MFSD6: variants seen among roughly 807,000 people sequenced by gnomAD.
MFSD6 encodes major facilitator superfamily domain containing 6.
A neutral mutation model predicts 56.3 loss-of-function variants in MFSD6; 26 were observed. That is an observed-to-expected ratio of 0.46 (90% CI 0.34 to 0.64). MFSD6 has a LOEUF of 0.64. Among genes scored for constraint, MFSD6 ranks in the 30% least tolerant of loss-of-function variants. MFSD6 has a pLI of 0.01. For synonymous variants in MFSD6, 331 were observed against 366.9 expected (o/e 0.90, Z 1.12); for missense variants, 750 against 986.2 (o/e 0.76, Z 3.21).
chr2:190,497,668 G>C lies in MFSD6; in HGVS notation c.2121G>C (p.Glu707Asp), dbSNP rs1415710632. The change falls in exon 7 of 8, where the codon GAG (glutamate) becomes GAC (aspartate). Residue 707 changes from glutamate to aspartate, a missense_variant. By Grantham distance (45) the Glu-to-Asp change is conservative. Coordinates refer to ENST00000392328, the MANE Select transcript of MFSD6 (RefSeq NM_017694.4). The surrounding 1 kb of genome is among the most constrained non-coding windows in gnomAD (Gnocchi z 5.2). Reference protein sequence around the residue: ...TFVYALYQIKEMMQLTRDNRA... With the variant: ...TFVYALYQIKDMMQLTRDNRA... ...TCTATGCACTCTACCAAATTAAAGA[G>C]ATGATGCAACTCACAAGAGACAACC... 6.2e-7 allele frequency: 1 copy of C among 1,614,170 alleles called. No homozygotes were observed. Among genetic ancestry groups the C allele is most frequent in the Admixed American group, 1.7e-5 (1 of 60,020 alleles).
intron 4 of MFSD6, among the ~76,000 whole-genome samples, chr2:190,470,882 CATT>C (rs938562028): frequency 3.3e-5 from 5 of 151,472 alleles, no homozygotes; most frequent in African/African-American, 1.2e-4. Context: ...TTTATATTCA[CATT>C]ATAATTATAA....
At position 190,410,079 on chromosome 2, in the gene MFSD6, G is replaced by A. The variant is rs1277491947; in HGVS notation, c.-176+1576G>A. On this transcript the variant is annotated intron_variant, in intron 1 of 7. Transcript: ENST00000392328. The surrounding 1 kb of genome is among the most constrained non-coding windows in gnomAD (Gnocchi z 4.4). ...TCTCTATACAAATAAATATAAAAGCGTGAAGGCAAATAAAACACAAAGACA... is the reference window on the plus strand; with the variant it reads ...TCTCTATACAAATAAATATAAAAGCATGAAGGCAAATAAAACACAAAGACA... 2.6e-5 allele frequency among the ~76,000 whole-genome samples: 4 copies of A among 152,242 alleles called. No homozygotes were observed. The East Asian group carries it at 5.8e-4, about 22-fold the overall frequency.
rs1690838117 is a variant in MFSD6, at chr2:190,417,758, C to G, written c.-54+2345C>G. 6.6e-6 allele frequency among the ~76,000 whole-genome samples: 1 copy of G among 152,060 alleles called. No homozygotes were observed. Among genetic ancestry groups the G allele is most frequent in the South Asian group, 2.1e-4 (1 of 4,822 alleles). On this transcript the variant is annotated intron_variant, in intron 2 of 7. Coordinates refer to ENST00000392328, the MANE Select transcript of MFSD6 (RefSeq NM_017694.4). The surrounding 1 kb of genome is among the most constrained non-coding windows in gnomAD (Gnocchi z 5.7). ...CCTCTACCCTGGAATAGTTTTCCCACTCATCTTTGCCTGTGAATCCTGCCC... is the reference window on the plus strand; with the variant it reads ...CCTCTACCCTGGAATAGTTTTCCCAGTCATCTTTGCCTGTGAATCCTGCCC...
chr2:190,409,889 A>G (rs1690485454), intron 1 of MFSD6, among the ~76,000 whole-genome samples: 1 of 152,124 alleles, frequency 6.6e-6, no homozygotes, highest in Admixed American at 6.5e-5. Context: ...GGTGTAAGTA[A>G]AATTTAGGAT....
Position 190,457,424 on chromosome 2 carries a change from GA to G in MFSD6, c.1533-12333del, listed in dbSNP as rs1559122349. Reference sequence around the variant, plus strand: ...CTTCCTGTTGGCCCCCTACCCCCAGGACTCAGACTTTGCGTGTTTTTTGCTG... The same window carrying G: ...CTTCCTGTTGGCCCCCTACCCCCAGGCTCAGACTTTGCGTGTTTTTTGCTG... On this transcript the variant is annotated intron_variant, in intron 3 of 7. Coordinates refer to ENST00000392328, the MANE Select transcript of MFSD6 (RefSeq NM_017694.4). The surrounding 1 kb of genome is among the most constrained non-coding windows in gnomAD (Gnocchi z 5.1). 2.0e-5 allele frequency among the ~76,000 whole-genome samples: 3 copies of G among 152,150 alleles called. No homozygotes were observed. Among genetic ancestry groups the G allele is most frequent in the Non-Finnish European group, 2.9e-5 (2 of 68,014 alleles).
chr2:190,445,457 C>CAAAAAAA (rs10650684), intron 3 of MFSD6, among the ~76,000 whole-genome samples: 3 of 143,786 alleles, frequency 2.1e-5, no homozygotes, highest in Non-Finnish European at 3.0e-5. Context: ...GCCCCAATCA[C>CAAAAAAA]AAAAAAAAAA....
Position 190,431,770 on chromosome 2 carries a change from A to T in MFSD6, c.-53-4207A>T, listed in dbSNP as rs1167158859. Among the ~76,000 whole-genome samples the T allele has an allele frequency of 6.6e-6, 1 of 151,894 alleles. No homozygotes were observed. The highest frequency in any genetic ancestry group is 6.6e-5 in the Admixed American group (1 of 15,246). On this transcript the variant is annotated intron_variant, in intron 2 of 7. Coordinates refer to ENST00000392328, the MANE Select transcript of MFSD6 (RefSeq NM_017694.4). This position sits in a 1 kb window ranked among gnomAD's most constrained non-coding sequence, Gnocchi z 4.4. The stretch of plus-strand genomic sequence containing the variant: ...AGGGAGCATGAGCATCTTGTTCTTT[A>T]TTTTCCTAAGAAATTGCCTTAAATT...
At chr2:190,414,827 G>A (rs1221992521) in intron 1 of MFSD6, among the ~76,000 whole-genome samples, 1 of 152,096 alleles carries the variant, frequency 6.6e-6, no homozygotes, top group African/African-American at 2.4e-5. Context: ...GATAATCCCT[G>A]ATAACACTTT....
chr2:190,480,548 T>A (rs4340551), intron 4 of MFSD6, among the ~76,000 whole-genome samples: 133,877 of 152,256 alleles, frequency 0.88, 59,674 homozygotes, highest in East Asian at 1. Flanking sequence ...ATCTGTAAAA[T>A]CACCCATGTA....
rs113167729 is a variant in MFSD6, at chr2:190,496,122, C to G, written c.1892-1317C>G. Among the ~76,000 whole-genome samples the G allele has an allele frequency of 0.018, 2,650 of 151,280 alleles. 77 individuals carry two copies. Among genetic ancestry groups the G allele is most frequent in the African/African-American group, 0.061 (2,498 of 41,204 alleles). On this transcript the variant is annotated intron_variant, in intron 6 of 7. Coordinates refer to ENST00000392328, the MANE Select transcript of MFSD6 (RefSeq NM_017694.4). The surrounding 1 kb of genome is among the most constrained non-coding windows in gnomAD (Gnocchi z 4.7). ...AAGGACTAATATCCAGAATCTATGA[C>G]GAACTCAAACAAATTAGCAAGAAAA...
At chr2:190,468,619 A>ATTTT (rs71027223) in intron 3 of MFSD6, among the ~76,000 whole-genome samples, 1 of 128,030 alleles carries the variant, frequency 7.8e-6, no homozygotes, top group Admixed American at 8.0e-5. Flanking sequence ...AGCCTGGCTA[A>ATTTT]TTTTTTTTTT....
chr2:190,482,517 C>T (rs1353475453), intron 4 of MFSD6, among the ~76,000 whole-genome samples: 1 of 151,620 alleles, frequency 6.6e-6, no homozygotes, highest in East Asian at 1.9e-4. Flanking sequence ...ATGTTTTGTT[C>T]AGTAAGCTTA....
chr2:190,445,365 T>TAGA (rs988530211), intron 3 of MFSD6, among the ~76,000 whole-genome samples: 7 of 151,950 alleles, frequency 4.6e-5, no homozygotes, highest in Admixed American at 4.6e-4. Flanking sequence ...TAAGAAAATG[T>TAGA]AGAATCTAGC....
At position 190,417,296 on chromosome 2, in the gene MFSD6, C is replaced by T. The variant is rs1485546828; in HGVS notation, c.-54+1883C>T. Among the ~76,000 whole-genome samples the T allele has an allele frequency of 6.6e-6, 1 of 152,164 alleles. No homozygotes were observed. On this transcript the variant is annotated intron_variant, in intron 2 of 7. Transcript: ENST00000392328. The surrounding 1 kb of genome is among the most constrained non-coding windows in gnomAD (Gnocchi z 5.7). ...AGATCAGCACACCAAAATAAAAGTT[C>T]AAATGTTGGGAAATCCTTAGCAAGG...
chr2:190,431,223 G>T lies in MFSD6; in HGVS notation c.-53-4754G>T, dbSNP rs918463410. On this transcript the variant is annotated intron_variant, in intron 2 of 7. Transcript: ENST00000392328. The surrounding 1 kb of genome is among the most constrained non-coding windows in gnomAD (Gnocchi z 4.4). ...AGAGGCGCTCCTCACTTCCCAGACT[G>T]GGCAGCCAGGCAGAGGGGCTCCTCA... Among the ~76,000 whole-genome samples the T allele has an allele frequency of 2.6e-5, 4 of 151,240 alleles. No individual in the cohort carries two copies. Among genetic ancestry groups the T allele is most frequent in the Non-Finnish European group, 5.9e-5 (4 of 67,758 alleles).
intron 6 of MFSD6, among the ~76,000 whole-genome samples, chr2:190,493,516 C>A (rs559514159): frequency 2.0e-5 from 3 of 152,004 alleles, no homozygotes; most frequent in Non-Finnish European, 4.4e-5. Flanking sequence ...TAAACTATAC[C>A]CTGGAACAAA....
chr2:190,441,482 G>A (rs1485087409), intron 3 of MFSD6, among the ~76,000 whole-genome samples: 1 of 151,692 alleles, frequency 6.6e-6, no homozygotes, highest in Non-Finnish European at 1.5e-5. Context: ...AGGAGGAGGG[G>A]CGGGGGTTGG....
chr2:190,479,214 A>C (rs1688520066), intron 4 of MFSD6, among the ~76,000 whole-genome samples: 2 of 152,114 alleles, frequency 1.3e-5, no homozygotes, highest in South Asian at 4.1e-4. Flanking sequence ...TTGTGAGGTT[A>C]TTTCTTTCCC....
intron 3 of MFSD6, among the ~76,000 whole-genome samples, chr2:190,446,511 A>G (rs187240683): frequency 1.3e-5 from 2 of 152,346 alleles, no homozygotes; most frequent in Admixed American, 6.5e-5. Context: ...TTAGCAGTAA[A>G]ATCTGCCTAA....
Sources: allele counts gnomAD v4.1 joint callset (sites outside exome capture counted in the v4.1 genomes callset), GRCh38; gene constraint gnomAD v4.1.1; non-coding constraint Gnocchi (gnomAD v3.1); transcripts MANE v1.5; gene names NCBI Gene and HGNC (gene_info 2026-07-23, HGNC 2026-07-21).